COL19A1: variants seen among roughly 807,000 people sequenced by gnomAD.
COL19A1 encodes the protein collagen alpha-1(XIX) chain.
COL19A1 carries 159 observed loss-of-function variants against 190.2 expected under a neutral mutation model. The observed-to-expected ratio is 0.84, with a 90% CI of 0.73 to 0.95. The LOEUF (loss-of-function observed/expected upper bound fraction) is 0.95. Among genes scored for constraint, COL19A1 ranks in the 40% least tolerant of loss-of-function variants. The pLI, the probability that COL19A1 is intolerant of heterozygous loss-of-function variation, is 0.00. For synonymous variants in COL19A1, 509 were observed against 458.9 expected (o/e 1.11, Z -1.39); for missense variants, 1,418 against 1,431.9 (o/e 0.99, Z 0.16).
chr6:70,102,040 T>C (rs1397968334), intron 15 of COL19A1, 129 bp from the exon 16 acceptor site: 5 of 796,018 alleles, frequency 6.3e-6, no homozygotes, highest in African/African-American at 1.7e-5. Flanking sequence ...TTAAAAGTCA[T>C]GTGGAATTGG....
At chr6:70,148,589 G>T (rs1786826070) in intron 27 of COL19A1, among the ~76,000 whole-genome samples, 1 of 152,156 alleles carries the variant, frequency 6.6e-6, no homozygotes, top group Non-Finnish European at 1.5e-5. Context: ...GAATGTAAAA[G>T]AACATTGGAG....
chr6:70,150,928 T>C (rs538272896), intron 30 of COL19A1, among the ~76,000 whole-genome samples: 56 of 152,188 alleles, frequency 3.7e-4, no homozygotes, highest in Admixed American at 9.8e-4. Context: ...GCCTATCACT[T>C]AAGCCAACTG....
intron 40 of COL19A1, among the ~76,000 whole-genome samples, chr6:70,169,587 T>G (rs967694366): frequency 6.6e-6 from 1 of 152,204 alleles, no homozygotes; most frequent in Non-Finnish European, 1.5e-5. Context: ...ATTAAAGAGC[T>G]GTTTGATTTT....
chr6:70,139,062 AG>A (rs2150232093), intron 19 of COL19A1, among the ~76,000 whole-genome samples: 1 of 152,222 alleles, frequency 6.6e-6, no homozygotes, highest in Admixed American at 6.6e-5. Flanking sequence ...AGGACCCTGC[AG>A]TAAGATTAAT....
intron 18 of COL19A1, among the ~76,000 whole-genome samples, chr6:70,135,013 T>C (rs551296502): frequency 2.6e-5 from 4 of 152,202 alleles, no homozygotes; most frequent in East Asian, 1.9e-4. Context: ...TAAATCGGGG[T>C]CCTTATGACC....
At chr6:70,060,340 T>C (rs977707013) in intron 14 of COL19A1, among the ~76,000 whole-genome samples, 3 of 152,272 alleles carry the variant, frequency 2.0e-5, no homozygotes, top group South Asian at 2.1e-4. Flanking sequence ...ATAAGTATTG[T>C]AGAGGTTAGA....
chr6:69,925,323 C>T (rs1328469884), intron 4 of COL19A1, among the ~76,000 whole-genome samples: 5 of 152,190 alleles, frequency 3.3e-5, no homozygotes, highest in Admixed American at 1.3e-4. Flanking sequence ...GTATTCCCAG[C>T]ACCATTTGTT....
rs773897308 is a variant in COL19A1, at chr6:70,144,219, G to A, written c.1636G>A (p.Gly546Arg). Residue 546 changes from glycine (G) to arginine (R), a missense_variant, in exon 24 of 51, where the codon GGA (glycine) becomes AGA (arginine). Physicochemically the swap from Gly to Arg is moderately radical, Grantham distance 125. Coordinates refer to ENST00000620364, the MANE Select transcript of COL19A1 (RefSeq NM_001858.6). ...RGPPGDVGLP[G>R]EHGIPGKQGI... ...ACTCTGAGTTTTCTAGGGATTGCCA[G>A]GAGAACATGGTATCCCAGGAAAACA... 6.8e-6 allele frequency: 11 copies of A among 1,612,104 alleles called. No homozygotes were observed. The highest frequency in any genetic ancestry group is 8.5e-7 in the Non-Finnish European group (1 of 1,178,752).
intron 10 of COL19A1, among the ~76,000 whole-genome samples, chr6:69,960,318 C>A (rs1323720499): frequency 6.6e-6 from 1 of 152,140 alleles, no homozygotes; most frequent in Admixed American, 6.5e-5. Context: ...GCTCTGGAAA[C>A]GTTTCTGCTT....
At position 69,898,976 on chromosome 6, in the gene COL19A1, G is replaced by A. The variant is rs140161279; in HGVS notation, c.120G>A (p.Glu40=). 6 of 1,611,884 alleles carry A rather than the reference G, an allele frequency of 3.7e-6. No individual in the cohort carries two copies. In the African/African-American group the frequency reaches 6.7e-5, roughly 18 times the overall value. ...AGTCATGCCCTATCCTGAGAATAGA[G>A]GGACATCAGCTGACATATGACAACA... is the stretch of plus-strand genomic sequence containing the variant. ...TEESCPILRI[E]GHQLTYDNIN... The change falls in exon 3 of 51, where the codon GAG becomes GAA. Residue 40 remains glutamate, a synonymous_variant. Coordinates refer to ENST00000620364, the MANE Select transcript of COL19A1 (RefSeq NM_001858.6).
chr6:70,203,581 C>T (rs1767680063), intron 49 of COL19A1, among the ~76,000 whole-genome samples: 1 of 151,602 alleles, frequency 6.6e-6, no homozygotes, highest in South Asian at 2.1e-4. Flanking sequence ...ACCATGCCCA[C>T]CGTAAACAAC....
rs529086379 is a variant in COL19A1, at chr6:70,000,010, C to T, written c.1027-23617C>T. 1.1e-3 allele frequency among the ~76,000 whole-genome samples: 160 copies of T among 152,038 alleles called. 2 individuals are homozygous for T. Among genetic ancestry groups the T allele is most frequent in the Non-Finnish European group, 1.7e-3 (116 of 67,990 alleles). On this transcript the variant is annotated intron_variant, in intron 11 of 50. Coordinates refer to ENST00000620364, the MANE Select transcript of COL19A1 (RefSeq NM_001858.6). ...CTGACACATCCTTTAAGTTCCCTCC[C>T]CTCACCCTCCATCCCTCAACAGCCC...
intron 27 of COL19A1, among the ~76,000 whole-genome samples, chr6:70,147,841 C>T (rs1786764467): frequency 1.3e-5 from 2 of 152,114 alleles, no homozygotes; most frequent in African/African-American, 2.4e-5. Context: ...TCTGTCCAAC[C>T]AGCTATAAAC....
At chr6:70,085,662 C>G (rs139332235) in intron 15 of COL19A1, among the ~76,000 whole-genome samples, 1 of 152,182 alleles carries the variant, frequency 6.6e-6, no homozygotes, top group Non-Finnish European at 1.5e-5. Flanking sequence ...ATTCTTTATT[C>G]TTTTTCCTTC....
At chr6:70,136,365 G>A (rs1375775795) in intron 18 of COL19A1, among the ~76,000 whole-genome samples, 1 of 152,102 alleles carries the variant, frequency 6.6e-6, no homozygotes, top group Admixed American at 6.6e-5. Context: ...GTTTATAATA[G>A]AGAAAAGCTG....
intron 11 of COL19A1, among the ~76,000 whole-genome samples, chr6:70,017,457 A>G (rs200484589): frequency 6.6e-6 from 1 of 152,154 alleles, no homozygotes; most frequent in East Asian, 1.9e-4. Flanking sequence ...CTACATGTAC[A>G]GTGTATCAGT....
At chr6:70,141,822 T>C (rs1786269949) in intron 20 of COL19A1, 71 bp from the exon 21 acceptor site, 5 of 994,600 alleles carry the variant, frequency 5.0e-6, no homozygotes, top group Non-Finnish European at 7.8e-6. Context: ...AGAAATTCAA[T>C]TAAAGTATCA....
intron 9 of COL19A1, among the ~76,000 whole-genome samples, chr6:69,942,464 G>C (rs1347665074): frequency 6.6e-6 from 1 of 152,068 alleles, no homozygotes; most frequent in Non-Finnish European, 1.5e-5. Context: ...TTGAACAGAA[G>C]AGCTTATTTA....
chr6:70,212,308 G>A lies in COL19A1; in HGVS notation c.*5034G>A, dbSNP rs9455000. ...TATCTTACCTCATCAAACTCTTTAC[G>A]ATTTAATTGAATATACTCATGTTAA... On this transcript the variant is annotated 3_prime_UTR_variant, in exon 51 of 51. Coordinates refer to ENST00000620364, the MANE Select transcript of COL19A1 (RefSeq NM_001858.6). 8.0e-3 allele frequency among the ~76,000 whole-genome samples: 1,219 copies of A among 151,964 alleles called. 18 individuals are homozygous for A. Among genetic ancestry groups the A allele is most frequent in the African/African-American group, 0.027 (1,129 of 41,434 alleles).
Sources: gnomAD v4.1 joint callset for allele counts (sites outside exome capture counted in the v4.1 genomes callset) on GRCh38, gnomAD v4.1.1 for gene constraint, MANE v1.5 for transcripts, NCBI Gene and HGNC (gene_info 2026-07-23, HGNC 2026-07-21) for gene names.